ARHGEF6: variants seen among roughly 807,000 people sequenced by gnomAD.
ARHGEF6 encodes the protein Rac/Cdc42 guanine nucleotide exchange factor 6.
ARHGEF6 carries 9 observed loss-of-function variants against 70.3 expected under a neutral mutation model. That is an observed-to-expected ratio of 0.13 (90% CI 0.08 to 0.22). The LOEUF is 0.22. ARHGEF6 is among the 10% of genes least tolerant of loss of function. The pLI is 1.00. For missense variants in ARHGEF6, 470 were observed against 563.0 expected, an observed-to-expected ratio of 0.83 and a Z score of 1.67; for synonymous variants, 201 against 207.8, an observed-to-expected ratio of 0.97 and a Z score of 0.28.
At chrX:136,761,894 T>C (rs2077266456) in intron 2 of ARHGEF6, among the ~76,000 whole-genome samples, 1 of 111,209 alleles carries the variant, frequency 9.0e-6, no homozygotes, top group African/African-American at 3.3e-5. Context: ...GCCCACAGTT[T>C]ACCCTTCCAT....
At chrX:136,754,998 G>A (rs1374610454) in intron 2 of ARHGEF6, among the ~76,000 whole-genome samples, 5 of 111,675 alleles carry the variant, frequency 4.5e-5, no homozygotes, top group Admixed American at 1.9e-4. Context: ...ATTGGAATGC[G>A]GAACACATTT....
In ARHGEF6 at chrX:136,679,670, T is replaced by G. The variant is rs2076314355; in HGVS notation, c.1705-10A>C. The G allele has an allele frequency of 1.4e-5, 17 of 1,211,361 alleles. No individual in the cohort carries two copies. The East Asian group carries it at 4.7e-4, about 34-fold the overall frequency. On this transcript the variant is annotated splice_polypyrimidine_tract_variant and intron_variant, in intron 15 of 21. Coordinates refer to ENST00000250617, the MANE Select transcript of ARHGEF6 (RefSeq NM_004840.3). ...CGGTAGAGCTAAAAGACTGGGAAAA[T>G]GTCTGATGAGATGTTGGCAATCTGC...
intron 9 of ARHGEF6, among the ~76,000 whole-genome samples, chrX:136,692,751 C>T (rs2076471716): frequency 8.9e-6 from 1 of 111,784 alleles, no homozygotes; most frequent in African/African-American, 3.3e-5. Flanking sequence ...GAAGCCAAAG[C>T]CTCAGGTCTT....
chrX:136,727,423 T>TTC (rs2076878967), intron 6 of ARHGEF6, among the ~76,000 whole-genome samples: 1 of 100,292 alleles, frequency 1.0e-5, no homozygotes, highest in South Asian at 5.0e-4. Context: ...CTTTCTTTCT[T>TTC]TCTTTCCTTC....
At position 136,681,043 on chromosome X, in the gene ARHGEF6, C is replaced by A. The variant is rs138815379; in HGVS notation, c.1559-167G>T. 5.8e-3 allele frequency among the ~76,000 whole-genome samples: 657 copies of A among 112,384 alleles called. 2 individuals are homozygous for A. The highest frequency in any genetic ancestry group is 0.011 in the Non-Finnish European group (587 of 53,244). On this transcript the variant is annotated intron_variant, in intron 14 of 21. Transcript: ENST00000250617. ...AAATTTCTATATCAGAAACAGATAA[C>A]CTGTGATTACAAAGTAAATAAATAT...
intron 14 of ARHGEF6, 85 bp from the exon 15 acceptor site, chrX:136,680,961 A>G (rs751038408): frequency 1.9e-6 from 2 of 1,076,842 alleles, no homozygotes; most frequent in East Asian, 6.0e-5. Context: ...ACTTCATACA[A>G]CTAGGACTTG....
chrX:136,760,330 A>G (rs1051275349), intron 2 of ARHGEF6, among the ~76,000 whole-genome samples: 4 of 112,194 alleles, frequency 3.6e-5, no homozygotes, highest in Non-Finnish European at 7.5e-5. Context: ...ACATCACATC[A>G]CCTCTCAGAC....
At chrX:136,686,755 T>C (rs1374613366) in intron 11 of ARHGEF6, among the ~76,000 whole-genome samples, 2 of 93,302 alleles carry the variant, frequency 2.1e-5, no homozygotes, top group African/African-American at 7.7e-5. Context: ...CTTAAGAAAC[T>C]GTGAGGTTAT....
At chrX:136,711,221 A>C in intron 7 of ARHGEF6, among the ~76,000 whole-genome samples, 1 of 112,111 alleles carries the variant, frequency 8.9e-6, no homozygotes, top group South Asian at 3.7e-4. Context: ...CTTGATCACT[A>C]ATCAGTCCCT....
chrX:136,720,125 T>C (rs2076780585), intron 6 of ARHGEF6, among the ~76,000 whole-genome samples: 1 of 112,142 alleles, frequency 8.9e-6, no homozygotes, highest in South Asian at 3.7e-4. Flanking sequence ...AGAGAATACA[T>C]ACTTCCTAAC....
intron 6 of ARHGEF6, among the ~76,000 whole-genome samples, chrX:136,724,010 T>C (rs1223822804): frequency 1.8e-5 from 2 of 111,337 alleles, no homozygotes; most frequent in African/African-American, 6.5e-5. Flanking sequence ...TAGGGCCCTT[T>C]TATATTCGGG....
chrX:136,702,845 T>C (rs900256014), intron 9 of ARHGEF6, among the ~76,000 whole-genome samples: 4 of 111,995 alleles, frequency 3.6e-5, no homozygotes, highest in African/African-American at 1.3e-4. Context: ...AAGCAGGCAG[T>C]TGAACTGAAT....
intron 5 of ARHGEF6, among the ~76,000 whole-genome samples, chrX:136,741,976 C>T (rs951102437): frequency 4.5e-5 from 5 of 111,442 alleles, no homozygotes; most frequent in African/African-American, 1.6e-4. Flanking sequence ...GAGTTATATA[C>T]GGATTTTCAA....
intron 6 of ARHGEF6, among the ~76,000 whole-genome samples, chrX:136,724,940 T>C (rs2076838408): frequency 8.9e-6 from 1 of 112,498 alleles, no homozygotes; most frequent in Non-Finnish European, 1.9e-5. Flanking sequence ...CATCATAAAA[T>C]GTGATTTTTA....
chrX:136,729,522 T>A (rs1400756033), intron 6 of ARHGEF6, among the ~76,000 whole-genome samples: 3 of 100,653 alleles, frequency 3.0e-5, no homozygotes, highest in Non-Finnish European at 6.0e-5. Flanking sequence ...CAAGTATTAT[T>A]GGGGTATAGG....
chrX:136,684,360 G>A (rs749637689), intron 12 of ARHGEF6, among the ~76,000 whole-genome samples: 1 of 112,359 alleles, frequency 8.9e-6, no homozygotes, highest in East Asian at 2.8e-4. Context: ...CTTCCCTGGG[G>A]TATTTGCATT....
At chrX:136,741,259 T>C (rs1894246924) in intron 5 of ARHGEF6, among the ~76,000 whole-genome samples, 1 of 111,666 alleles carries the variant, frequency 9.0e-6, no homozygotes, top group African/African-American at 3.3e-5. Context: ...CAACATGGGT[T>C]TGAACTTTGC....
intron 7 of ARHGEF6, 75 bp from the exon 8 acceptor site, chrX:136,708,845 T>C: frequency 1.3e-6 from 1 of 756,852 alleles, no homozygotes; most frequent in Non-Finnish European, 2.0e-6. Context: ...ATATGGTAAA[T>C]AAAAGGGAGG....
rs186424317 is a variant in ARHGEF6, at chrX:136,694,716, G to A, written c.1047-3968C>T. ...GAAGAGGGTATTTTTGTAAAAGAGA[G>A]GTTATTCCCAGGAAGAAACAGGAGC... On this transcript the variant is annotated intron_variant, in intron 9 of 21. Transcript: ENST00000250617. 3.3e-3 allele frequency among the ~76,000 whole-genome samples: 364 copies of A among 111,731 alleles called. 1 individual carries two copies. The highest frequency in any genetic ancestry group is 5.1e-3 in the Non-Finnish European group (270 of 53,116).
Sources: gnomAD v4.1 joint callset for allele counts (sites outside exome capture counted in the v4.1 genomes callset) on GRCh38, gnomAD v4.1.1 for gene constraint, MANE v1.5 for transcripts, NCBI Gene and HGNC (gene_info 2026-07-23, HGNC 2026-07-21) for gene names.